Variants in ATP9B observed in about 807,000 individuals in gnomAD.
ATP9B encodes the protein probable phospholipid-transporting ATPase IIB.
A neutral mutation model predicts 146.1 loss-of-function variants in ATP9B; 110 were observed. The ratio of observed to expected loss-of-function variants is 0.75; its 90% CI spans 0.65 to 0.88. ATP9B has a LOEUF of 0.88. ATP9B is among the 40% of genes least tolerant of loss of function. ATP9B has a pLI of 0.00. For synonymous variants in ATP9B, 604 were observed against 569.7 expected (o/e 1.06, Z -0.86); for missense variants, 1,499 against 1,496.4 (o/e 1.00, Z -0.03).
intron 13 of ATP9B, among the ~76,000 whole-genome samples, chr18:79,288,691 T>C (rs1273980140): frequency 2.0e-5 from 3 of 152,246 alleles, no homozygotes; most frequent in Non-Finnish European, 1.5e-5. Context: ...CGTTAGTTGA[T>C]GCAGTTTCTT....
In ATP9B at chr18:79,154,493, G is replaced by T. The variant is rs777862258; in HGVS notation, c.727-11G>T. ...ATATAGATAATTAATCTTTTATAAT[G>T]CTCTTTGCAGAATCAAAGAATTCCA... is the stretch of plus-strand genomic sequence containing the variant. On this transcript the variant is annotated splice_polypyrimidine_tract_variant and intron_variant, in intron 6 of 29. Coordinates refer to ENST00000426216, the MANE Select transcript of ATP9B (RefSeq NM_198531.5). 1.3e-6 allele frequency: 2 copies of T among 1,528,130 alleles called. No homozygotes were observed. Among genetic ancestry groups the T allele is most frequent in the South Asian group, 1.3e-5 (1 of 74,666 alleles). The allele number at this position is 1,528,130 out of a possible 1,614,324, so 94.7% of individuals were successfully genotyped here.
At chr18:79,203,306 C>A (rs987831339) in intron 9 of ATP9B, among the ~76,000 whole-genome samples, 1 of 151,870 alleles carries the variant, frequency 6.6e-6, no homozygotes, top group African/African-American at 2.4e-5. Context: ...GAGCAGGTAC[C>A]CGATGCTTCT....
At chr18:79,318,586 G>C (rs1302420302) in intron 15 of ATP9B, among the ~76,000 whole-genome samples, 2 of 152,252 alleles carry the variant, frequency 1.3e-5, no homozygotes. Context: ...ACAAGGACTT[G>C]AGGTAGGAAT....
At chr18:79,085,815 T>C (rs774900138) in intron 1 of ATP9B, 1 of 152,256 alleles carries the variant, frequency 6.6e-6, no homozygotes, top group Non-Finnish European at 1.5e-5. Context: ...AAGATACTAA[T>C]GTTAAGAACA....
At chr18:79,192,259 A>T (rs1315676021) in intron 8 of ATP9B, among the ~76,000 whole-genome samples, 2 of 152,124 alleles carry the variant, frequency 1.3e-5, no homozygotes, top group Non-Finnish European at 2.9e-5. Context: ...AGCAGCCATG[A>T]CAGAACTTTA....
chr18:79,172,823 T>C (rs369859890), intron 7 of ATP9B, among the ~76,000 whole-genome samples: 4 of 152,266 alleles, frequency 2.6e-5, no homozygotes, highest in South Asian at 2.1e-4. Flanking sequence ...GTTTTTGTTA[T>C]AAATAAAACT....
chr18:79,344,755 G>A (rs986740958), intron 21 of ATP9B, among the ~76,000 whole-genome samples: 1 of 152,204 alleles, frequency 6.6e-6, no homozygotes, highest in Non-Finnish European at 1.5e-5. Context: ...TCCTCTGTTA[G>A]ACATTGAGAG....
chr18:79,096,037 G>A (rs752788173), intron 1 of ATP9B, among the ~76,000 whole-genome samples: 1 of 152,200 alleles, frequency 6.6e-6, no homozygotes, highest in Non-Finnish European at 1.5e-5. Context: ...ACATACTGTC[G>A]AAAGTCACTT....
At chr18:79,352,149 G>A (rs568736037) in intron 25 of ATP9B, among the ~76,000 whole-genome samples, 7 of 152,314 alleles carry the variant, frequency 4.6e-5, no homozygotes, top group African/African-American at 1.4e-4. Flanking sequence ...GGCAGCTGCC[G>A]GCGAGGACCT....
At chr18:79,071,895 T>C (rs1260458728) in intron 1 of ATP9B, among the ~76,000 whole-genome samples, 1 of 150,988 alleles carries the variant, frequency 6.6e-6, no homozygotes, top group Non-Finnish European at 1.5e-5. Flanking sequence ...TTTTGTTTTT[T>C]TTTTTTTTTT....
At chr18:79,372,676 C>A in intron 26 of ATP9B, 149 bp from the exon 27 acceptor site, 1 of 704,506 alleles carries the variant, frequency 1.4e-6, no homozygotes. Flanking sequence ...AAAAGGCGCC[C>A]GAAATGCTGG....
rs553763224 is a variant in ATP9B at position 79,344,430 on chromosome 18, T to C, written c.2472+76T>C. On this transcript the variant is annotated intron_variant, in intron 21 of 29. Coordinates refer to ENST00000426216, the MANE Select transcript of ATP9B (RefSeq NM_198531.5). Reference sequence around the variant, plus strand: ...GGCTGGTCCCTGGCTGAGTGTCTGTTTGTCTCTCAGGCAAGGCTGGACCCT... The same window carrying C: ...GGCTGGTCCCTGGCTGAGTGTCTGTCTGTCTCTCAGGCAAGGCTGGACCCT... The C allele has an allele frequency of 5.1e-5, 70 of 1,364,974 alleles. No individual in the cohort carries two copies. In the African/African-American group the frequency reaches 7.2e-4, roughly 14 times the overall value. The allele number at this position is 1,364,974 out of a possible 1,614,324, so 84.6% of individuals were successfully genotyped here. A position where few individuals can be genotyped will look rare whatever the true frequency, so the allele number is the denominator to read the frequency against.
At chr18:79,337,984 A>G (rs1056119693) in intron 19 of ATP9B, among the ~76,000 whole-genome samples, 2 of 152,058 alleles carry the variant, frequency 1.3e-5, no homozygotes, top group East Asian at 3.9e-4. Context: ...GGGTACGTCC[A>G]TTGTGACGGC....
chr18:79,076,028 A>C (rs2072571711), intron 1 of ATP9B, among the ~76,000 whole-genome samples: 2 of 152,200 alleles, frequency 1.3e-5, no homozygotes, highest in South Asian at 4.1e-4. Flanking sequence ...TGTTGGGTAA[A>C]GTGTAAGAGC....
At chr18:79,167,291 GACA>G (rs1256815271) in intron 7 of ATP9B, among the ~76,000 whole-genome samples, 1 of 152,180 alleles carries the variant, frequency 6.6e-6, no homozygotes, top group East Asian at 1.9e-4. Context: ...AAGGTATATG[GACA>G]ACTAGAGGGT....
chr18:79,370,681 C>CTTTTATTAATCTA (rs1227215774), intron 26 of ATP9B, among the ~76,000 whole-genome samples: 1 of 152,078 alleles, frequency 6.6e-6, no homozygotes, highest in Non-Finnish European at 1.5e-5. Context: ...GTTGTGTTTG[C>CTTTTATTAATCTA]TTTTATTAAT....
chr18:79,276,065 A>G (rs2096305215), intron 12 of ATP9B, among the ~76,000 whole-genome samples: 1 of 152,148 alleles, frequency 6.6e-6, no homozygotes, highest in Non-Finnish European at 1.5e-5. Context: ...CAGCAGTTTC[A>G]CTCTGTGGTA....
intron 6 of ATP9B, among the ~76,000 whole-genome samples, chr18:79,148,295 A>C (rs997959498): frequency 6.6e-6 from 1 of 152,238 alleles, no homozygotes; most frequent in African/African-American, 2.4e-5. Flanking sequence ...TACCCAACTC[A>C]TTTTATGAGG....
chr18:79,109,108 T>C (rs199623929), intron 2 of ATP9B, among the ~76,000 whole-genome samples: 1 of 152,194 alleles, frequency 6.6e-6, no homozygotes, highest in East Asian at 1.9e-4. Context: ...TTAAGCTTCC[T>C]TTGTCACAAA....
Sources: gnomAD v4.1 joint callset for allele counts (sites outside exome capture counted in the v4.1 genomes callset) on GRCh38, gnomAD v4.1.1 for gene constraint, MANE v1.5 for transcripts, NCBI Gene and HGNC (gene_info 2026-07-23, HGNC 2026-07-21) for gene names.